Variants in SYT7 observed in about 807,000 individuals in gnomAD.
The protein encoded by SYT7 is synaptotagmin 7, also known as synaptotagmin-7.
A neutral mutation model predicts 75.1 loss-of-function variants in SYT7; 29 were observed. The observed-to-expected ratio is 0.39, with a 90% confidence interval of 0.29 to 0.53. The LOEUF (loss-of-function observed/expected upper bound fraction) is 0.53. Ranked by LOEUF, SYT7 falls within the 20% of genes least tolerant of loss-of-function variation. The pLI, the probability that SYT7 is intolerant of heterozygous loss-of-function variation, is 0.77. For missense variants in SYT7, 693 were observed against 953.2 expected (o/e 0.73, Z 3.59); for synonymous variants, 376 against 401.7 (o/e 0.94, Z 0.76).
Position 61,551,272 on chromosome 11 carries a change from G to A in SYT7, c.215+112C>T. On this transcript the variant is annotated intron_variant, in intron 3 of 12. Transcript: ENST00000539008. The surrounding 1 kb of genome is among the most constrained non-coding windows in gnomAD (Gnocchi z 5.3). ...GGTGTAGAGAGCATGGCATCGGGGT[G>A]TGGGGGAAGTGAAAGTGTGTGGTCA... 3 of 1,010,194 alleles carry A rather than the reference G, an allele frequency of 3.0e-6. No homozygotes were observed. The highest frequency in any genetic ancestry group is 2.8e-5 in the South Asian group (2 of 70,854). The allele number at this position is 1,010,194 out of a possible 1,614,324, so 62.6% of individuals were successfully genotyped here.
At chr11:61,562,473 G>A (rs185521583) in intron 1 of SYT7, among the ~76,000 whole-genome samples, 12 of 152,260 alleles carry the variant, frequency 7.9e-5, no homozygotes, top group Admixed American at 5.9e-4. Flanking sequence ...TGCCTGACAC[G>A]GAATAAGTAG....
intron 1 of SYT7, among the ~76,000 whole-genome samples, chr11:61,558,009 G>A (rs1488417816): frequency 1.3e-5 from 2 of 152,242 alleles, no homozygotes; most frequent in African/African-American, 4.8e-5. Context: ...CTGTTTCCCA[G>A]CTCTCCCCAT....
At chr11:61,522,534 C>T (rs567520487) in intron 12 of SYT7, among the ~76,000 whole-genome samples, 11 of 152,242 alleles carry the variant, frequency 7.2e-5, no homozygotes, top group East Asian at 3.9e-4. Flanking sequence ...GCAATTCTTA[C>T]GCCACCCTGT....
intron 7 of SYT7, 89 bp downstream of exon 7, chr11:61,538,055 G>A (rs959001791): frequency 8.0e-5 from 120 of 1,502,426 alleles, no homozygotes; most frequent in Non-Finnish European, 9.0e-5. Context: ...CCACCACCTC[G>A]TCCAGCAGCC....
chr11:61,574,897 A>G (rs2064027775), intron 1 of SYT7, among the ~76,000 whole-genome samples: 1 of 151,912 alleles, frequency 6.6e-6, no homozygotes, highest in African/African-American at 2.4e-5. Flanking sequence ...AAGTAATTTA[A>G]TTGGACACAT....
intron 1 of SYT7, among the ~76,000 whole-genome samples, chr11:61,577,490 C>G (rs1454222427): frequency 6.6e-6 from 1 of 152,232 alleles, no homozygotes; most frequent in Non-Finnish European, 1.5e-5. Context: ...TTCCTCAGGG[C>G]ATACCCTTGA....
At chr11:61,559,111 G>A (rs1205198115) in intron 1 of SYT7, among the ~76,000 whole-genome samples, 2 of 152,114 alleles carry the variant, frequency 1.3e-5, no homozygotes, top group Non-Finnish European at 2.9e-5. Flanking sequence ...TCTCCCACGG[G>A]GTTGCTGTTA....
At chr11:61,519,544 G>C (rs56094524) in intron 12 of SYT7, among the ~76,000 whole-genome samples, 1 of 152,216 alleles carries the variant, frequency 6.6e-6, no homozygotes, top group African/African-American at 2.4e-5. Flanking sequence ...GGGGACAGGG[G>C]AGACATGCCT....
At position 61,538,213 on chromosome 11, in the gene SYT7, T is replaced by G. The variant is rs2062926921; in HGVS notation, c.995A>C (p.Asp332Ala). ...SLVLGLSEQD[D>A]FANIPDLQNP... ...TTGCAGGTCAGGGATATTGGCAAAG[T>G]CATCCTGTTCCGAAAGCCCTAAGAC... Residue 332 changes from aspartate (D) to alanine (A), a missense_variant, in exon 7 of 13, where the codon GAC becomes GCC. Around this residue, in one of 2 missense-constraint regions of SYT7, gnomAD observed 487 missense variants for 593.2 expected, o/e 0.82. Transcript: ENST00000539008. The G allele has an allele frequency of 6.5e-7, 1 of 1,535,904 alleles. No individual in the cohort carries two copies. The highest frequency in any genetic ancestry group is 1.4e-5 in the African/African-American group (1 of 73,008).
intron 12 of SYT7, among the ~76,000 whole-genome samples, chr11:61,519,572 G>A: frequency 6.6e-6 from 1 of 152,240 alleles, no homozygotes; most frequent in East Asian, 1.9e-4. Flanking sequence ...GCAATGTGGT[G>A]TCCTGGATTG....
chr11:61,518,476 G>T lies in SYT7; in HGVS notation c.*151C>A, dbSNP rs1459684272. 6 of 502,168 alleles carry T rather than the reference G, an allele frequency of 1.2e-5. No homozygotes were observed. The highest frequency in any genetic ancestry group is 2.1e-5 in the Non-Finnish European group (6 of 285,690). 31.1% of individuals were successfully genotyped at this position (502,168 alleles called of 1,614,324 possible). ...GGGGCTGGTACTTCCTAGAAACGGG[G>T]CCCAGTTGAGTCCTGGGACCCCTCC... On this transcript the variant is annotated 3_prime_UTR_variant, in exon 13 of 13. Transcript: ENST00000539008.
chr11:61,536,946 C>T (rs976857594), intron 7 of SYT7, among the ~76,000 whole-genome samples: 2 of 152,236 alleles, frequency 1.3e-5, no homozygotes, highest in Admixed American at 1.3e-4. Flanking sequence ...GCCTGTTTCC[C>T]TCATGAAAAG....
At chr11:61,534,559 G>A (rs1189008590) in intron 7 of SYT7, among the ~76,000 whole-genome samples, 1 of 152,178 alleles carries the variant, frequency 6.6e-6, no homozygotes, top group African/African-American at 2.4e-5. Flanking sequence ...CACAGCAGCA[G>A]TGACGACACA....
intron 1 of SYT7, among the ~76,000 whole-genome samples, chr11:61,560,955 C>G (rs1590928156): frequency 6.6e-6 from 1 of 152,294 alleles, no homozygotes; most frequent in East Asian, 1.9e-4. Flanking sequence ...GGTCCTGAGC[C>G]TGCCCTCCAG....
chr11:61,520,305 CT>C (rs1466068884), intron 12 of SYT7, among the ~76,000 whole-genome samples: 2 of 151,920 alleles, frequency 1.3e-5, no homozygotes, highest in African/African-American at 4.8e-5. Flanking sequence ...GGGAGAATCA[CT>C]TGAGCCCAGG....
At position 61,540,482 on chromosome 11, in the gene SYT7, T is replaced by C. The variant is rs911812947; in HGVS notation, c.941+1729A>G. 6.1e-6 allele frequency: 6 copies of C among 979,054 alleles called. No individual in the cohort carries two copies. The African/African-American group carries it at 8.8e-5, about 14-fold the overall frequency. 60.6% of individuals were successfully genotyped at this position (979,054 alleles called of 1,614,324 possible). ...CTCTTGCAAAGCCTAAATTATTATC[T>C]GGACCTTTCTAGGAAAAGTTGGCCG... On this transcript the variant is annotated intron_variant, in intron 6 of 12. Transcript: ENST00000539008.
At chr11:61,522,981 A>C (rs1347572406) in intron 12 of SYT7, 94 bp downstream of exon 12, 1 of 1,288,598 alleles carries the variant, frequency 7.8e-7, no homozygotes, top group Non-Finnish European at 1.1e-6. Context: ...CCTGGTGTCC[A>C]GCCTGTGCCC....
At chr11:61,521,124 C>G (rs569307139) in intron 12 of SYT7, among the ~76,000 whole-genome samples, 1 of 152,354 alleles carries the variant, frequency 6.6e-6, no homozygotes, top group East Asian at 1.9e-4. Flanking sequence ...GCCCCCATGG[C>G]AACCTCAGCC....
upstream of SYT7, among the ~76,000 whole-genome samples, chr11:61,581,489 C>A (rs2064272325): frequency 6.6e-6 from 1 of 152,264 alleles, no homozygotes; most frequent in Admixed American, 6.5e-5. Context: ...GCGTGGAGAT[C>A]CACTCCGGGT....
Sources: gnomAD v4.1 joint callset for allele counts (sites outside exome capture counted in the v4.1 genomes callset) on GRCh38, gnomAD v4.1.1 for gene constraint, gnomAD v4.1.1 regional missense constraint, Gnocchi (gnomAD v3.1) non-coding constraint, MANE v1.5 for transcripts, NCBI Gene and HGNC (gene_info 2026-07-23, HGNC 2026-07-21) for gene names.